GRM1: variants seen among roughly 807,000 people sequenced by gnomAD.
The protein encoded by GRM1 is glutamate metabotropic receptor 1.
A neutral mutation model predicts 90.9 loss-of-function variants in GRM1; 33 were observed. The ratio of observed to expected loss-of-function variants is 0.36; its 90% CI spans 0.28 to 0.49. The LOEUF (loss-of-function observed/expected upper bound fraction) is 0.49, where lower values mean the gene tolerates loss of function less well. GRM1 is among the 20% of genes least tolerant of loss of function. The probability of loss-of-function intolerance (pLI) is 0.99; values close to 1 mark genes in which losing one functional copy is unlikely to be tolerated. For synonymous variants in GRM1, 700 were observed against 613.2 expected, an observed-to-expected ratio of 1.14 and a Z score of -2.09; for missense variants, 1,190 against 1,534.3, an observed-to-expected ratio of 0.78 and a Z score of 3.75.
At chr6:146,081,014 T>C (rs562996842) in intron 1 of GRM1, among the ~76,000 whole-genome samples, 5 of 152,302 alleles carry the variant, frequency 3.3e-5, no homozygotes, top group African/African-American at 9.6e-5. Flanking sequence ...AGCAGCCTTG[T>C]TGCTGGCAGT....
Position 146,399,292 on chromosome 6 carries a change from G to A in GRM1, c.2253G>A (p.Leu751=). 1.2e-6 allele frequency: 2 copies of A among 1,614,100 alleles called. No homozygotes were observed. The highest frequency in any genetic ancestry group is 1.7e-6 in the Non-Finnish European group (2 of 1,180,006). The change falls in exon 7 of 8, where the codon CTG becomes CTA. Residue 751 remains leucine, a synonymous_variant. Coordinates refer to ENST00000282753, the MANE Select transcript of GRM1 (RefSeq NM_001278064.2). The surrounding 1 kb of genome is among the most constrained non-coding windows in gnomAD (Gnocchi z 5.4). The part of the protein sequence containing the change: ...EVYLICNTSN[L]GVVAPLGYNG... Reference sequence around the variant, plus strand: ...ACCTTATCTGCAATACCAGCAACCTGGGTGTGGTGGCCCCTTTGGGCTACA... The same window carrying A: ...ACCTTATCTGCAATACCAGCAACCTAGGTGTGGTGGCCCCTTTGGGCTACA...
chr6:146,108,989 G>T (rs930121689), intron 1 of GRM1, among the ~76,000 whole-genome samples: 6 of 152,144 alleles, frequency 3.9e-5, no homozygotes, highest in South Asian at 2.1e-4. Context: ...GCATTCAAGA[G>T]GTGACTTGGG....
chr6:146,059,333 G>A (rs1022586588), intron 1 of GRM1, among the ~76,000 whole-genome samples: 10 of 152,092 alleles, frequency 6.6e-5, no homozygotes, highest in Non-Finnish European at 1.2e-4. Flanking sequence ...CAGGTGTATT[G>A]TCAATGAGCA....
chr6:146,113,931 G>C (rs1053314342), intron 1 of GRM1, among the ~76,000 whole-genome samples: 1 of 152,058 alleles, frequency 6.6e-6, no homozygotes, highest in Non-Finnish European at 1.5e-5. Context: ...GAGAAACACT[G>C]TGTGGACAAG....
At chr6:146,425,396 T>TA in intron 7 of GRM1, among the ~76,000 whole-genome samples, 1 of 152,216 alleles carries the variant, frequency 6.6e-6, no homozygotes, top group Admixed American at 6.5e-5. Flanking sequence ...CCTCCTGCAA[T>TA]ACCTCTTCCT....
At chr6:146,326,883 A>G (rs1477381493) in intron 3 of GRM1, among the ~76,000 whole-genome samples, 1 of 152,202 alleles carries the variant, frequency 6.6e-6, no homozygotes, top group African/African-American at 2.4e-5. Flanking sequence ...AACAGAAAAT[A>G]AGAATACCAG....
chr6:146,208,989 C>T (rs946489564), intron 2 of GRM1, among the ~76,000 whole-genome samples: 1 of 152,062 alleles, frequency 6.6e-6, no homozygotes, highest in African/African-American at 2.4e-5. Context: ...CTAACCTTAA[C>T]ATATTACTTT....
chr6:146,372,080 A>G (rs1442853098), intron 5 of GRM1, among the ~76,000 whole-genome samples: 1 of 152,162 alleles, frequency 6.6e-6, no homozygotes, highest in Admixed American at 6.6e-5. Flanking sequence ...TCCCATGAAC[A>G]GTGTACAAGG....
At chr6:146,338,289 G>T (rs1484936313) in intron 3 of GRM1, among the ~76,000 whole-genome samples, 1 of 152,168 alleles carries the variant, frequency 6.6e-6, no homozygotes, top group Non-Finnish European at 1.5e-5. Flanking sequence ...CAGGCTCAAA[G>T]GTTCCTAAGA....
intron 2 of GRM1, among the ~76,000 whole-genome samples, chr6:146,226,195 A>T: frequency 6.6e-6 from 1 of 152,158 alleles, no homozygotes; most frequent in East Asian, 1.9e-4. Context: ...GATTTCTGGG[A>T]AAAGCACTTC....
intron 3 of GRM1, among the ~76,000 whole-genome samples, chr6:146,351,276 C>T (rs529603301): frequency 5.1e-4 from 78 of 152,284 alleles, no homozygotes; most frequent in African/African-American, 1.7e-3. Context: ...CACATCACAT[C>T]GACCCCCTAC....
chr6:146,153,176 G>A (rs1467096433), intron 1 of GRM1, among the ~76,000 whole-genome samples: 3 of 152,172 alleles, frequency 2.0e-5, no homozygotes, highest in Non-Finnish European at 4.4e-5. Context: ...ACTTTCTTTA[G>A]ACAGTTTTCC....
At chr6:146,303,119 G>A (rs1783453280) in intron 2 of GRM1, among the ~76,000 whole-genome samples, 3 of 152,066 alleles carry the variant, frequency 2.0e-5, no homozygotes, top group African/African-American at 7.2e-5. Flanking sequence ...TGGTTCAATG[G>A]GAAGATTCTA....
chr6:146,096,066 G>T (rs1776864146), intron 1 of GRM1, among the ~76,000 whole-genome samples: 1 of 152,106 alleles, frequency 6.6e-6, no homozygotes, highest in South Asian at 2.1e-4. Flanking sequence ...GTAGTCTCTT[G>T]TTTTAATCAG....
At chr6:146,382,152 T>C (rs561084452) in intron 5 of GRM1, among the ~76,000 whole-genome samples, 42 of 152,180 alleles carry the variant, frequency 2.8e-4, no homozygotes, top group Admixed American at 6.5e-4. Context: ...TGACTCAGAG[T>C]TGACATAAAA....
chr6:146,182,743 A>G (rs982295870), intron 2 of GRM1, among the ~76,000 whole-genome samples: 1 of 152,136 alleles, frequency 6.6e-6, no homozygotes, highest in Non-Finnish European at 1.5e-5. Context: ...AGTAATTTAC[A>G]ACATGAAACA....
chr6:146,235,073 C>G (rs1195281944), intron 2 of GRM1, among the ~76,000 whole-genome samples: 1 of 152,060 alleles, frequency 6.6e-6, no homozygotes, highest in East Asian at 1.9e-4. Context: ...TATTCCTCTG[C>G]CTAAAGAACT....
At chr6:146,390,111 ATTC>A (rs892356343) in intron 6 of GRM1, among the ~76,000 whole-genome samples, 3 of 152,084 alleles carry the variant, frequency 2.0e-5, no homozygotes, top group Non-Finnish European at 2.9e-5. Context: ...ATGAGAAATC[ATTC>A]TTCTTTGAAA....
chr6:146,174,970 C>T (rs1778282713), intron 2 of GRM1, among the ~76,000 whole-genome samples: 1 of 152,022 alleles, frequency 6.6e-6, no homozygotes, highest in Admixed American at 6.6e-5. Flanking sequence ...ATCTGGCTTC[C>T]CTGAGGTGGG....
Sources: gnomAD v4.1 joint callset for allele counts (sites outside exome capture counted in the v4.1 genomes callset) on GRCh38, gnomAD v4.1.1 for gene constraint, Gnocchi (gnomAD v3.1) non-coding constraint, MANE v1.5 for transcripts, NCBI Gene and HGNC (gene_info 2026-07-23, HGNC 2026-07-21) for gene names.